The following TASOR variants were observed in gnomAD, a reference collection of about 807,000 sequenced individuals.
TASOR encodes transcription activation suppressor, also known as protein TASOR.
TASOR carries 53 observed loss-of-function variants against 178.6 expected under a neutral mutation model. The observed-to-expected ratio is 0.30, with a 90% CI of 0.24 to 0.37. TASOR has a LOEUF of 0.37. TASOR is among the 10% of genes least tolerant of loss of function. TASOR has a pLI of 1.00. For missense variants in TASOR, 1,815 were observed against 1,971.4 expected (o/e 0.92, Z 1.50); for synonymous variants, 713 against 696.2 (o/e 1.02, Z -0.38).
chr3:56,625,414 A>G (rs1463942221), intron 21 of TASOR, among the ~76,000 whole-genome samples: 1 of 152,184 alleles, frequency 6.6e-6, no homozygotes, highest in Non-Finnish European at 1.5e-5. Context: ...TTGGGAGGCC[A>G]AAGCAGTTGG....
chr3:56,621,690 G>T lies in TASOR; in HGVS notation c.*1347C>A, dbSNP rs2076658067. ...ATAAAATGTGCTCACTGGCTCAACT[G>T]TATTTTTCAAATAGCCTAGATTTAC... On this transcript the variant is annotated 3_prime_UTR_variant, in exon 24 of 24. Transcript: ENST00000683822. 17 of 1,043,608 alleles carry T rather than the reference G, an allele frequency of 1.6e-5. No homozygotes were observed. Among genetic ancestry groups the T allele is most frequent in the Non-Finnish European group, 2.1e-5 (15 of 706,378 alleles). The allele number at this position is 1,043,608 out of a possible 1,614,324, so 64.6% of individuals were successfully genotyped here.
intron 11 of TASOR, among the ~76,000 whole-genome samples, chr3:56,660,153 C>T (rs62251192): frequency 0.049 from 7,441 of 151,934 alleles, 191 homozygotes; most frequent in East Asian, 0.09. Context: ...GAGCCACCAA[C>T]GCCCGGCCTG....
At chr3:56,655,200 T>C (rs1207735556) in intron 11 of TASOR, among the ~76,000 whole-genome samples, 2 of 152,188 alleles carry the variant, frequency 1.3e-5, no homozygotes, top group African/African-American at 2.4e-5. Context: ...TTATAAGGCT[T>C]TTTTTTCTTT....
intron 1 of TASOR, among the ~76,000 whole-genome samples, chr3:56,682,303 A>C (rs2031863902): frequency 6.6e-6 from 1 of 151,622 alleles, no homozygotes; most frequent in South Asian, 2.1e-4. Flanking sequence ...ATCCATGGCC[A>C]CGGGCTATTT....
intron 8 of TASOR, 44 bp downstream of exon 8, chr3:56,663,496 CT>C: frequency 1.0e-6 from 1 of 977,888 alleles, no homozygotes; most frequent in Non-Finnish European, 1.4e-6. Context: ...GCTATATGTA[CT>C]TATTCTTTCC....
intron 9 of TASOR, among the ~76,000 whole-genome samples, 161 bp downstream of exon 9, chr3:56,662,224 A>C (rs1382866910): frequency 6.6e-6 from 1 of 152,172 alleles, no homozygotes; most frequent in East Asian, 1.9e-4. Flanking sequence ...TCATATTGCC[A>C]AATCACGTAA....
intron 13 of TASOR, among the ~76,000 whole-genome samples, 179 bp from the exon 14 acceptor site, chr3:56,647,402 TA>T: frequency 6.6e-6 from 1 of 151,438 alleles, no homozygotes; most frequent in Non-Finnish European, 1.5e-5. Context: ...AGCATGCTTG[TA>T]AAGTCCAGGA....
chr3:56,621,000 A>AAGTTAGTTAGTTAGTT lies in TASOR; in HGVS notation c.*2021_*2036dup, dbSNP rs112632967. 9,049 of 150,450 alleles carry AAGTTAGTTAGTTAGTT rather than the reference A, an allele frequency of 0.06. 331 individuals are homozygous for AAGTTAGTTAGTTAGTT. The highest frequency in any genetic ancestry group is 0.17 in the South Asian group (787 of 4,700). 9.3% of individuals were successfully genotyped at this position (150,450 alleles called of 1,614,324 possible). On this transcript the variant is annotated 3_prime_UTR_variant, in exon 24 of 24. Coordinates refer to ENST00000683822, the MANE Select transcript of TASOR (RefSeq NM_001365635.2). ...ACCCTGTCTCTACTAAAAATACAAAAAGTTAGTTAGTTAGTTAGCCAGGCG... is the reference window on the plus strand; with the variant it reads ...ACCCTGTCTCTACTAAAAATACAAAAAGTTAGTTAGTTAGTTAGTTAGTTAGTTAGTTAGCCAGGCG...
Position 56,621,795 on chromosome 3 carries a change from C to G in TASOR, c.*1242G>C, listed in dbSNP as rs1013041915. 1.6e-5 allele frequency: 3 copies of G among 184,596 alleles called. No individual in the cohort carries two copies. Among genetic ancestry groups the G allele is most frequent in the African/African-American group, 2.7e-5 (1 of 37,568 alleles). The allele number at this position is 184,596 out of a possible 1,614,324, so 11.4% of individuals were successfully genotyped here. A position where few individuals can be genotyped will look rare whatever the true frequency, so the allele number is the denominator to read the frequency against. ...CTTGTTCTATACAATAAAACAGATA[C>G]TTCTTTTGTAAAAGCTTAGTAGTAA... On this transcript the variant is annotated 3_prime_UTR_variant, in exon 24 of 24. Transcript: ENST00000683822.
intron 14 of TASOR, among the ~76,000 whole-genome samples, chr3:56,642,631 TCAG>T (rs2077148558): frequency 6.6e-6 from 1 of 152,070 alleles, no homozygotes; most frequent in African/African-American, 2.4e-5. Flanking sequence ...AAAAAGCAGA[TCAG>T]TAGTGGAGTG....
At chr3:56,674,411 G>A (rs1707237368) in intron 1 of TASOR, among the ~76,000 whole-genome samples, 1 of 151,790 alleles carries the variant, frequency 6.6e-6, no homozygotes, top group African/African-American at 2.4e-5. Context: ...TTGGGAGGCT[G>A]AGGCAGGAGG....
Position 56,628,581 on chromosome 3 carries a change from G to A in TASOR, c.3781C>T (p.His1261Tyr). The A allele has an allele frequency of 6.3e-7, 1 of 1,585,608 alleles. No individual in the cohort carries two copies. Among genetic ancestry groups the A allele is most frequent in the Non-Finnish European group, 8.6e-7 (1 of 1,157,340 alleles). ...CTTCTTTCCAAAAACTGTTCAGGAT[G>A]ACATTCTGTATTGCCTAATTTGATA... ...YLIKLGNTEC[H>Y]PEQFLERRSK... Residue 1261 changes from histidine to tyrosine, a missense_variant, in exon 19 of 24, where the codon CAT becomes TAT. His to Tyr is a moderately conservative substitution (Grantham distance 83). Transcript: ENST00000683822.
intron 9 of TASOR, 36 bp from the exon 10 acceptor site, chr3:56,661,053 T>C (rs747240001): frequency 2.9e-5 from 41 of 1,423,460 alleles, no homozygotes; most frequent in South Asian, 3.7e-5. Context: ...TTGCCTTATC[T>C]GTATTTTCAA....
intron 1 of TASOR, among the ~76,000 whole-genome samples, chr3:56,680,895 A>G (rs1473423701): frequency 6.6e-6 from 1 of 152,114 alleles, no homozygotes; most frequent in Non-Finnish European, 1.5e-5. Context: ...AGCTAGATTT[A>G]TATTTCCTAA....
rs1445955761 is a variant in TASOR at position 56,622,160 on chromosome 3, G to GTT, written c.*875_*876dup. On this transcript the variant is annotated 3_prime_UTR_variant, in exon 24 of 24. Coordinates refer to ENST00000683822, the MANE Select transcript of TASOR (RefSeq NM_001365635.2). Reference sequence around the variant, plus strand: ...GCAATTTTCAAAAACATTTTTAAAAGTTAGCATTAGTAACAAGTTAGTAAT... The same window carrying GTT: ...GCAATTTTCAAAAACATTTTTAAAAGTTTTAGCATTAGTAACAAGTTAGTAAT... The GTT allele has an allele frequency of 3.9e-5, 6 of 152,192 alleles. No homozygotes were observed. The highest frequency in any genetic ancestry group is 7.2e-5 in the African/African-American group (3 of 41,440). The allele number at this position is 152,192 out of a possible 1,614,324, so 9.4% of individuals were successfully genotyped here. A position where few individuals can be genotyped will look rare whatever the true frequency, so the allele number is the denominator to read the frequency against.
At chr3:56,675,879 CATTT>C (rs2031248306) in intron 1 of TASOR, among the ~76,000 whole-genome samples, 1 of 152,176 alleles carries the variant, frequency 6.6e-6, no homozygotes, top group Non-Finnish European at 1.5e-5. Context: ...TTCATCCATT[CATTT>C]ACCAAAGCAT....
chr3:56,633,020 A>G, intron 18 of TASOR, 24 bp downstream of exon 18: 2 of 1,503,490 alleles, frequency 1.3e-6, no homozygotes, highest in East Asian at 2.3e-5. Context: ...GTACAGCATT[A>G]CTATTACCTT....
chr3:56,653,560 C>A (rs1247826499), intron 11 of TASOR, among the ~76,000 whole-genome samples: 2 of 151,948 alleles, frequency 1.3e-5, no homozygotes, highest in Admixed American at 1.3e-4. Context: ...TAAGACACTG[C>A]AGCATAGTCA....
Position 56,682,826 on chromosome 3 carries a change from C to T in TASOR, c.181G>A (p.Ala61Thr), listed in dbSNP as rs1320384644. 5 of 1,550,372 alleles carry T rather than the reference C, an allele frequency of 3.2e-6. No individual in the cohort carries two copies. The African/African-American group carries it at 4.1e-5, about 13-fold the overall frequency. Reference protein sequence around the residue: ...PSGGAGREENAGAEAAQSLSH... With the variant: ...PSGGAGREENTGAEAAQSLSH... The stretch of plus-strand genomic sequence containing the variant: ...AGGCTCTGGGCGGCCTCGGCCCCCG[C>T]GTTCTCCTCACGCCCAGCGCCGCCG... Residue 61 changes from alanine (A) to threonine (T), a missense_variant, in exon 1 of 24, where the codon GCG (alanine) becomes ACG (threonine). Physicochemically the swap from Ala to Thr is moderately conservative, Grantham distance 58. Coordinates refer to ENST00000683822, the MANE Select transcript of TASOR (RefSeq NM_001365635.2).
Sources: gnomAD v4.1 joint callset for allele counts (sites outside exome capture counted in the v4.1 genomes callset) on GRCh38, gnomAD v4.1.1 for gene constraint, MANE v1.5 for transcripts, NCBI Gene and HGNC (gene_info 2026-07-23, HGNC 2026-07-21) for gene names.